The following MGAT4C variants were observed in gnomAD, a reference collection of about 807,000 sequenced individuals.
MGAT4C encodes alpha-1,3-mannosyl-glycoprotein 4-beta-N-acetylglucosaminyltransferase C.
In MGAT4C, 19 loss-of-function variants were observed where a neutral mutation model predicts 40.1. The ratio of observed to expected loss-of-function variants is 0.47; its 90% confidence interval spans 0.33 to 0.70. The LOEUF is 0.70. Among genes scored for constraint, MGAT4C ranks in the 30% least tolerant of loss-of-function variants. The pLI is 0.02. For missense variants in MGAT4C, 491 were observed against 563.2 expected (o/e 0.87, Z 1.30); for synonymous variants, 181 against 187.1 (o/e 0.97, Z 0.27).
At position 86,834,993 on chromosome 12, in the gene MGAT4C, A is replaced by G. The variant is rs562099477; in HGVS notation, c.-262+3673T>C. 3.9e-5 allele frequency among the ~76,000 whole-genome samples: 6 copies of G among 152,098 alleles called. No homozygotes were observed. The South Asian group carries it at 1.2e-3, about 32-fold the overall frequency. On this transcript the variant is annotated intron_variant, in intron 1 of 7. Coordinates refer to the MGAT4C transcript ENST00000548651. ...TCCCTTTTGTACACAGATAAATTCA[A>G]TATAACACATGTCTGCCTTTACTTT... is the stretch of plus-strand genomic sequence containing the variant.
chr12:86,080,137 T>C (rs1339658438), intron 1 of MGAT4C, among the ~76,000 whole-genome samples: 1 of 152,142 alleles, frequency 6.6e-6, no homozygotes, highest in Non-Finnish European at 1.5e-5. Context: ...TCTGTTTATC[T>C]CATTTTCGCT....
intron 3 of MGAT4C, among the ~76,000 whole-genome samples, chr12:86,404,655 A>G (rs1956429535): frequency 1.3e-5 from 2 of 152,160 alleles, no homozygotes. Flanking sequence ...TGTTTCACAC[A>G]CTGAATTGGT....
chr12:86,366,123 C>G (rs961261938), intron 3 of MGAT4C, among the ~76,000 whole-genome samples: 1 of 152,030 alleles, frequency 6.6e-6, no homozygotes, highest in Non-Finnish European at 1.5e-5. Flanking sequence ...TAGATGAATT[C>G]CCAGGTATTT....
intron 1 of MGAT4C, among the ~76,000 whole-genome samples, chr12:86,771,055 T>C (rs961189251): frequency 1.3e-5 from 2 of 152,050 alleles, no homozygotes; most frequent in South Asian, 2.1e-4. Context: ...CTGGTGTCCT[T>C]ATAAGAAGAG....
At chr12:86,124,891 CTT>C (rs1879998303) in intron 1 of MGAT4C, among the ~76,000 whole-genome samples, 2 of 152,188 alleles carry the variant, frequency 1.3e-5, no homozygotes, top group Admixed American at 6.5e-5. Context: ...TCCCCAGTCT[CTT>C]GTCATTGATA....
chr12:86,542,563 T>TA (rs1274206270), intron 2 of MGAT4C, among the ~76,000 whole-genome samples: 1 of 152,240 alleles, frequency 6.6e-6, no homozygotes, highest in African/African-American at 2.4e-5. Context: ...TTTTATTATT[T>TA]AATACATATC....
intron 1 of MGAT4C, among the ~76,000 whole-genome samples, chr12:86,755,438 G>T (rs1360740394): frequency 6.6e-6 from 1 of 152,090 alleles, no homozygotes; most frequent in East Asian, 1.9e-4. Context: ...TGATTTCATA[G>T]ATTTACTATG....
intron 3 of MGAT4C, among the ~76,000 whole-genome samples, chr12:86,361,189 A>G (rs1356518873): frequency 6.6e-6 from 1 of 152,212 alleles, no homozygotes; most frequent in East Asian, 1.9e-4. Context: ...CCACACATCT[A>G]CAACCATCTG....
intron 2 of MGAT4C, among the ~76,000 whole-genome samples, chr12:86,693,999 T>G (rs565035763): frequency 2.6e-5 from 4 of 152,162 alleles, no homozygotes; most frequent in African/African-American, 9.7e-5. Flanking sequence ...AAATACATGT[T>G]TTATTACTAT....
At chr12:86,354,311 C>T (rs1015879249) in intron 3 of MGAT4C, among the ~76,000 whole-genome samples, 7 of 152,204 alleles carry the variant, frequency 4.6e-5, no homozygotes, top group Middle Eastern at 3.4e-3. Context: ...TAGTATTATA[C>T]AGTAATATTT....
At chr12:86,704,833 C>A (rs1404642027) in intron 2 of MGAT4C, among the ~76,000 whole-genome samples, 1 of 152,140 alleles carries the variant, frequency 6.6e-6, no homozygotes, top group Non-Finnish European at 1.5e-5. Flanking sequence ...CTTGTGATAA[C>A]AAGATACACA....
At chr12:86,748,992 A>ATG (rs1951195160) in intron 1 of MGAT4C, among the ~76,000 whole-genome samples, 1 of 150,240 alleles carries the variant, frequency 6.7e-6, no homozygotes, top group Non-Finnish European at 1.5e-5. Flanking sequence ...AAAGTAGCTG[A>ATG]CACATTGTTT....
At chr12:86,179,837 C>T (rs2135861865) in intron 1 of MGAT4C, among the ~76,000 whole-genome samples, 1 of 152,260 alleles carries the variant, frequency 6.6e-6, no homozygotes, top group Non-Finnish European at 1.5e-5. Flanking sequence ...AATTTGCAGC[C>T]TGGCAATGCA....
intron 1 of MGAT4C, among the ~76,000 whole-genome samples, chr12:86,760,926 C>T (rs542201553): frequency 7.2e-5 from 11 of 152,126 alleles, no homozygotes; most frequent in African/African-American, 2.7e-4. Flanking sequence ...TCAGTGATCA[C>T]ATTGTGGCAA....
intron 1 of MGAT4C, among the ~76,000 whole-genome samples, chr12:86,137,698 T>G (rs1695364895): frequency 1.3e-5 from 2 of 152,198 alleles, no homozygotes; most frequent in Non-Finnish European, 2.9e-5. Context: ...GCCAGATTCC[T>G]TCCGATTACT....
chr12:86,777,742 G>A (rs1951769390), intron 1 of MGAT4C, among the ~76,000 whole-genome samples: 1 of 152,150 alleles, frequency 6.6e-6, no homozygotes, highest in Admixed American at 6.5e-5. Context: ...ACTCCTGGCT[G>A]TCTCCAGAAA....
intron 2 of MGAT4C, among the ~76,000 whole-genome samples, chr12:86,588,117 C>T (rs556093731): frequency 3.0e-4 from 45 of 151,650 alleles, no homozygotes; most frequent in Non-Finnish European, 4.6e-4. Flanking sequence ...TTTTGAGATA[C>T]GTCCCATCAA....
At chr12:86,510,957 C>T (rs1958570857) in intron 2 of MGAT4C, among the ~76,000 whole-genome samples, 3 of 151,804 alleles carry the variant, frequency 2.0e-5, no homozygotes, top group Admixed American at 2.0e-4. Context: ...ACAAGGATAC[C>T]CAGGAATTGA....
chr12:86,061,219 C>G (rs1893928681), intron 1 of MGAT4C, among the ~76,000 whole-genome samples: 1 of 152,144 alleles, frequency 6.6e-6, no homozygotes, highest in Non-Finnish European at 1.5e-5. Flanking sequence ...CAAGCTGAAG[C>G]AGGGTGGGGC....
Sources: allele counts gnomAD v4.1 joint callset (sites outside exome capture counted in the v4.1 genomes callset), GRCh38; gene constraint gnomAD v4.1.1; transcripts MANE v1.5; gene names NCBI Gene and HGNC (gene_info 2026-07-23, HGNC 2026-07-21).